The following HS3ST1 variants were observed in gnomAD, a reference collection of about 807,000 sequenced individuals.
The protein encoded by HS3ST1 is heparan sulfate glucosamine 3-O-sulfotransferase 1.
HS3ST1 carries 8 observed loss-of-function variants against 20.7 expected under a neutral mutation model. The observed-to-expected ratio is 0.39, with a 90% CI of 0.23 to 0.70. The LOEUF (loss-of-function observed/expected upper bound fraction) is 0.70. HS3ST1 is among the 30% of genes least tolerant of loss of function. The pLI, the probability that HS3ST1 is intolerant of heterozygous loss-of-function variation, is 0.46. For synonymous variants in HS3ST1, 205 were observed against 190.4 expected (o/e 1.08, Z -0.63); for missense variants, 436 against 423.4 (o/e 1.03, Z -0.26).
At chr4:11,407,988 GT>G (rs1357359634) in intron 1 of HS3ST1, among the ~76,000 whole-genome samples, 1 of 152,162 alleles carries the variant, frequency 6.6e-6, no homozygotes, top group Admixed American at 6.5e-5. Context: ...TTATTTGTTT[GT>G]TTCCTACTGT....
chr4:11,432,120 C>CT (rs531144911), upstream of HS3ST1, among the ~76,000 whole-genome samples: 94 of 152,244 alleles, frequency 6.2e-4, no homozygotes, highest in East Asian at 0.016. Context: ...TGGTTTTTCT[C>CT]TTTCCCACAA....
In HS3ST1 at chr4:11,397,888, A is replaced by G. The variant is rs1718181852; in HGVS notation, c.*1194T>C. On this transcript the variant is annotated 3_prime_UTR_variant, in exon 2 of 2. Transcript: ENST00000002596. ...ATGGGTTTAATTCTGTAAAAGGCTG[A>G]CTGCATGAAGAATGCATGAAAAAAC... 1 of 152,202 alleles carries G rather than the reference A, an allele frequency of 6.6e-6. No homozygotes were observed. The highest frequency in any genetic ancestry group is 2.4e-5 in the African/African-American group (1 of 41,434). The allele number at this position is 152,202 out of a possible 1,614,324, so 9.4% of individuals were successfully genotyped here. A position where few individuals can be genotyped will look rare whatever the true frequency, so the allele number is the denominator to read the frequency against.
At chr4:11,433,635 T>A (rs1719244302), upstream of HS3ST1, among the ~76,000 whole-genome samples, 4 of 152,248 alleles carry the variant, frequency 2.6e-5, no homozygotes, top group Middle Eastern at 0.01. Flanking sequence ...TTTGCTCTTT[T>A]AGGCCTTATT....
upstream of HS3ST1, among the ~76,000 whole-genome samples, chr4:11,431,407 A>G (rs753858128): frequency 6.6e-6 from 1 of 152,164 alleles, no homozygotes; most frequent in East Asian, 1.9e-4. Context: ...GACTCTTTTT[A>G]TCAGTTCCAA....
At chr4:11,427,469 C>T (rs555085037) in intron 1 of HS3ST1, among the ~76,000 whole-genome samples, 53 of 152,242 alleles carry the variant, frequency 3.5e-4, no homozygotes, top group Non-Finnish European at 4.6e-4. Flanking sequence ...GACTGTTTCT[C>T]GGAGCGCAGC....
intron 1 of HS3ST1, among the ~76,000 whole-genome samples, chr4:11,420,589 G>A (rs751668892): frequency 1.4e-4 from 21 of 152,206 alleles, no homozygotes; most frequent in Non-Finnish European, 2.6e-4. Context: ...TTAGCGGAAC[G>A]AACACTACGC....
chr4:11,410,734 A>G (rs535373644), intron 1 of HS3ST1, among the ~76,000 whole-genome samples: 2 of 152,238 alleles, frequency 1.3e-5, no homozygotes, highest in African/African-American at 4.8e-5. Context: ...TCTACTAAAA[A>G]TACAAAAATT....
intron 1 of HS3ST1, among the ~76,000 whole-genome samples, chr4:11,424,368 C>T (rs569572535): frequency 7.2e-5 from 11 of 152,312 alleles, no homozygotes; most frequent in African/African-American, 2.6e-4. Context: ...TGACAAACTA[C>T]GGCCCAGTAG....
chr4:11,399,275 G>C lies in HS3ST1; in HGVS notation c.731C>G (p.Ser244Trp). The change falls in exon 2 of 2, where the codon TCG (serine) becomes TGG (tryptophan). Residue 244 changes from serine (S) to tryptophan (W), a missense_variant. Coordinates refer to ENST00000002596, the MANE Select transcript of HS3ST1 (RefSeq NM_005114.4). The surrounding 1 kb of genome is among the most constrained non-coding windows in gnomAD (Gnocchi z 5.1). ...CTTGGTTTTGTTAAAGTAGAAGTTC[G>C]AAGCATTGATCTGCGGCGACAGCTT... is the stretch of plus-strand genomic sequence containing the variant. ...FLKLSPQINASNFYFNKTKGF... is the reference protein window; with the variant it reads ...FLKLSPQINAWNFYFNKTKGF... 9 of 1,614,154 alleles carry C rather than the reference G, an allele frequency of 5.6e-6. No homozygotes were observed. Among genetic ancestry groups the C allele is most frequent in the Non-Finnish European group, 7.6e-6 (9 of 1,180,042 alleles).
intron 1 of HS3ST1, among the ~76,000 whole-genome samples, chr4:11,409,413 C>G (rs536728906): frequency 6.8e-6 from 1 of 147,820 alleles, no homozygotes; most frequent in Non-Finnish European, 1.5e-5. Context: ...TTTAGATGAT[C>G]GGATTTCCAT....
rs117945141 is a variant in HS3ST1, at chr4:11,413,417, C to T, written c.-108-13304G>A. 6.6e-5 allele frequency among the ~76,000 whole-genome samples: 10 copies of T among 152,158 alleles called. No individual in the cohort carries two copies. The East Asian group carries it at 1.9e-3, about 29-fold the overall frequency. ...GAAAAGAGCCGAGGACTGAGAACTG[C>T]CACAGGGGTCTAGTTTCCTGGTTTG... On this transcript the variant is annotated intron_variant, in intron 1 of 1. Transcript: ENST00000002596.
intron 1 of HS3ST1, among the ~76,000 whole-genome samples, chr4:11,404,788 C>T (rs959363846): frequency 2.6e-5 from 4 of 152,192 alleles, no homozygotes; most frequent in African/African-American, 9.7e-5. Context: ...ACATCCTTGG[C>T]AAAAGCAATG....
Position 11,399,434 on chromosome 4 carries a change from A to G in HS3ST1, c.572T>C (p.Leu191Pro). The G allele has an allele frequency of 3.1e-6, 5 of 1,613,962 alleles. No individual in the cohort carries two copies. The highest frequency in any genetic ancestry group is 4.2e-6 in the Non-Finnish European group (5 of 1,179,972). ...GTGCACGTGGTAGAGGCTGCGGTTGAGGGCCTTGTAGTCCACATTGAGCCT... is the reference window on the plus strand; with the variant it reads ...GTGCACGTGGTAGAGGCTGCGGTTGGGGGCCTTGTAGTCCACATTGAGCCT... ...DGRLNVDYKA[L>P]NRSLYHVHMQ... The change falls in exon 2 of 2, where the codon CTC becomes CCC. Residue 191 changes from leucine to proline, a missense_variant. Transcript: ENST00000002596. The surrounding 1 kb of genome is among the most constrained non-coding windows in gnomAD (Gnocchi z 5.1).
intron 1 of HS3ST1, among the ~76,000 whole-genome samples, chr4:11,417,381 G>C (rs1306360726): frequency 6.6e-6 from 1 of 152,110 alleles, no homozygotes; most frequent in Non-Finnish European, 1.5e-5. Flanking sequence ...ATTTTGGTGG[G>C]GGCGGCTCTA....
chr4:11,406,306 C>A (rs1170354811), intron 1 of HS3ST1, among the ~76,000 whole-genome samples: 1 of 152,138 alleles, frequency 6.6e-6, no homozygotes, highest in Non-Finnish European at 1.5e-5. Context: ...CTTTTGCAAT[C>A]AGGTAAATCC....
At chr4:11,425,220 GAAC>G (rs1435980842) in intron 1 of HS3ST1, among the ~76,000 whole-genome samples, 1 of 152,082 alleles carries the variant, frequency 6.6e-6, no homozygotes, top group African/African-American at 2.4e-5. Context: ...GACACGTTTG[GAAC>G]AACACCTAAA....
intron 1 of HS3ST1, among the ~76,000 whole-genome samples, chr4:11,409,912 T>C (rs113563399): frequency 0.023 from 3,456 of 152,310 alleles, 66 homozygotes; most frequent in Middle Eastern, 0.068. Context: ...CTGGCAGATA[T>C]TGTCAGAGAC....
chr4:11,425,568 T>A (rs1719039096), intron 1 of HS3ST1, among the ~76,000 whole-genome samples: 1 of 152,164 alleles, frequency 6.6e-6, no homozygotes, highest in African/African-American at 2.4e-5. Context: ...GACTGGCCAA[T>A]TAAAAGAAAT....
intron 1 of HS3ST1, among the ~76,000 whole-genome samples, chr4:11,424,037 GAAA>G (rs543945093): frequency 0.19 from 21,890 of 112,706 alleles, 1,962 homozygotes; most frequent in East Asian, 0.5. Context: ...AGTCTATCTT[GAAA>G]AAAAAAAAAA....
Sources: gnomAD v4.1 joint callset for allele counts (sites outside exome capture counted in the v4.1 genomes callset) on GRCh38, gnomAD v4.1.1 for gene constraint, Gnocchi (gnomAD v3.1) non-coding constraint, MANE v1.5 for transcripts, NCBI Gene and HGNC (gene_info 2026-07-23, HGNC 2026-07-21) for gene names.